SVOPL: variants seen among roughly 807,000 people sequenced by gnomAD.
The protein encoded by SVOPL is putative transporter SVOPL.
A neutral mutation model predicts 61.0 loss-of-function variants in SVOPL; 60 were observed. The observed-to-expected ratio is 0.98, with a 90% CI of 0.80 to 1.22. The LOEUF (loss-of-function observed/expected upper bound fraction) is 1.22, where lower values mean the gene tolerates loss of function less well. Among genes scored for constraint, SVOPL ranks in the 50% most tolerant of loss-of-function variants. The pLI is 0.00. For missense variants in SVOPL, 662 were observed against 643.9 expected (o/e 1.03, Z -0.30); for synonymous variants, 279 against 250.0 (o/e 1.12, Z -1.09).
chr7:138,616,496 C>T (rs1799310150), intron 14 of SVOPL, among the ~76,000 whole-genome samples: 1 of 152,054 alleles, frequency 6.6e-6, no homozygotes, highest in South Asian at 2.1e-4. Flanking sequence ...ATCAACAAAC[C>T]CAGCTAATTT....
At chr7:138,613,183 C>T (rs974055856) in intron 14 of SVOPL, among the ~76,000 whole-genome samples, 1 of 151,704 alleles carries the variant, frequency 6.6e-6, no homozygotes, top group African/African-American at 2.4e-5. Flanking sequence ...CCACGCCTGG[C>T]TAATTTTTGT....
intron 14 of SVOPL, among the ~76,000 whole-genome samples, chr7:138,620,380 C>A (rs1799507383): frequency 7.0e-6 from 1 of 142,504 alleles, no homozygotes; most frequent in African/African-American, 2.7e-5. Flanking sequence ...CTCAGCCTCC[C>A]AAAGTGCTGA....
intron 1 of SVOPL, among the ~76,000 whole-genome samples, chr7:138,681,745 C>A (rs914307675): frequency 6.6e-6 from 1 of 152,132 alleles, no homozygotes; most frequent in African/African-American, 2.4e-5. Context: ...ATTGCTTGAA[C>A]CCAGGAGGCG....
intron 4 of SVOPL, 81 bp from the exon 5 acceptor site, chr7:138,663,226 G>T: frequency 1.3e-6 from 2 of 1,559,346 alleles, no homozygotes; most frequent in South Asian, 2.4e-5. Flanking sequence ...TTCACTAGAA[G>T]TAGGCTGGAA....
intron 1 of SVOPL, among the ~76,000 whole-genome samples, chr7:138,681,193 TATTAACAAATATAATAA>T (rs1802693794): frequency 6.7e-6 from 1 of 148,170 alleles, no homozygotes. Flanking sequence ...AAATATATGT[TATTAACAAATATAATAA>T]ATTAACAAAT....
At chr7:138,600,459 A>C (rs894465388) in intron 14 of SVOPL, among the ~76,000 whole-genome samples, 11 of 152,024 alleles carry the variant, frequency 7.2e-5, no homozygotes, top group Admixed American at 6.6e-4. Flanking sequence ...AAAATTAGTC[A>C]GACACAGCAG....
chr7:138,700,493 C>T (rs562816449), intron 1 of SVOPL, among the ~76,000 whole-genome samples: 2 of 151,934 alleles, frequency 1.3e-5, no homozygotes, highest in Admixed American at 1.3e-4. Flanking sequence ...CACCCACCAC[C>T]ATGCATGGCT....
intron 4 of SVOPL, among the ~76,000 whole-genome samples, chr7:138,667,224 T>G (rs773971501): frequency 2.0e-5 from 3 of 152,226 alleles, no homozygotes; most frequent in Non-Finnish European, 4.4e-5. Flanking sequence ...CATCCTTGAA[T>G]AGCTGTTGCT....
chr7:138,598,336 A>G (rs1240968188), intron 14 of SVOPL, among the ~76,000 whole-genome samples: 2 of 152,240 alleles, frequency 1.3e-5, no homozygotes, highest in East Asian at 1.9e-4. Flanking sequence ...AAATACATTT[A>G]GCAAAACTGT....
At chr7:138,598,242 G>A (rs1331179725) in intron 14 of SVOPL, among the ~76,000 whole-genome samples, 2 of 152,108 alleles carry the variant, frequency 1.3e-5, no homozygotes, top group Non-Finnish European at 2.9e-5. Context: ...CAGGAATAGA[G>A]AGACATTACA....
At chr7:138,619,561 T>TAAAAAAA (rs11440977) in intron 14 of SVOPL, among the ~76,000 whole-genome samples, 2 of 60,300 alleles carry the variant, frequency 3.3e-5, no homozygotes, top group East Asian at 7.9e-4. Context: ...TCTCAGATGT[T>TAAAAAAA]AAAAAAAAAA....
chr7:138,664,519 G>A lies in SVOPL; in HGVS notation c.274-1374C>T, dbSNP rs188497040. ...GCCCCTGACCCTTTATCGGGCGCGCGCGCCTAACCCTCGAGCACCCCTAAT... is the reference window on the plus strand; with the variant it reads ...GCCCCTGACCCTTTATCGGGCGCGCACGCCTAACCCTCGAGCACCCCTAAT... On this transcript the variant is annotated intron_variant, in intron 4 of 15. Coordinates refer to ENST00000674285, the MANE Select transcript of SVOPL (RefSeq NM_001139456.2). Among the ~76,000 whole-genome samples the A allele has an allele frequency of 4.4e-3, 630 of 144,066 alleles. 4 individuals carry two copies. Among genetic ancestry groups the A allele is most frequent in the African/African-American group, 0.016 (614 of 38,272 alleles). 94.5% of individuals were successfully genotyped at this position (144,066 alleles called of 152,430 possible). A position where few individuals can be genotyped will look rare whatever the true frequency, so the allele number is the denominator to read the frequency against.
intron 14 of SVOPL, among the ~76,000 whole-genome samples, chr7:138,616,991 C>G (rs897459575): frequency 2.0e-5 from 3 of 152,152 alleles, no homozygotes; most frequent in African/African-American, 7.2e-5. Context: ...TATTCTGAGA[C>G]AGAGTCTCGC....
rs138625059 is a variant in SVOPL, at chr7:138,596,471, T to C, written c.1413A>G (p.Val471=). The C allele has an allele frequency of 1.9e-4, 312 of 1,613,888 alleles. No individual in the cohort carries two copies. The African/African-American group carries it at 3.6e-3, about 19-fold the overall frequency. Residue 471 remains valine (V), a synonymous_variant, in exon 15 of 16, where the codon GTA becomes GTG. Coordinates refer to ENST00000674285, the MANE Select transcript of SVOPL (RefSeq NM_001139456.2). ...GGAGAGTGAATGCAGAAATGGCGCA[T>C]ACAACACAGACAGATGAGAAGAGAC... ...ALCLFSSVCV[V]CAISAFTLPI... is the part of the protein sequence containing the mutation.
intron 4 of SVOPL, among the ~76,000 whole-genome samples, chr7:138,668,649 T>C (rs1427741787): frequency 6.6e-6 from 1 of 152,158 alleles, no homozygotes; most frequent in East Asian, 1.9e-4. Context: ...CTCCAACCAG[T>C]TCCTCAAGTG....
intron 4 of SVOPL, among the ~76,000 whole-genome samples, chr7:138,670,777 C>T (rs1446384010): frequency 6.6e-6 from 1 of 152,076 alleles, no homozygotes; most frequent in Non-Finnish European, 1.5e-5. Context: ...AAGATGAACC[C>T]TAGGGCAGTT....
intron 14 of SVOPL, among the ~76,000 whole-genome samples, chr7:138,612,382 G>T (rs1480711803): frequency 1.3e-4 from 1 of 7,486 alleles, no homozygotes; most frequent in Non-Finnish European, 2.6e-4. Flanking sequence ...AAACACCCAA[G>T]AATTATCAAT....
chr7:138,642,695 T>C (rs1301346827), intron 9 of SVOPL, among the ~76,000 whole-genome samples: 2 of 151,602 alleles, frequency 1.3e-5, no homozygotes, highest in Non-Finnish European at 2.9e-5. Context: ...CGGGTGTTGG[T>C]GGCTCGCACT....
At chr7:138,596,862 T>G in intron 14 of SVOPL, 2 of 1,097,310 alleles carry the variant, frequency 1.8e-6, no homozygotes, top group Non-Finnish European at 2.2e-6. Context: ...TCATACCATT[T>G]CAGCTTGCTT....
Sources: allele counts gnomAD v4.1 joint callset (sites outside exome capture counted in the v4.1 genomes callset), GRCh38; gene constraint gnomAD v4.1.1; transcripts MANE v1.5; gene names NCBI Gene and HGNC (gene_info 2026-07-23, HGNC 2026-07-21).